Variants in SHISA9 observed in about 807,000 individuals in gnomAD.
SHISA9 encodes shisa family member 9, also known as protein shisa-9.
SHISA9 carries 13 observed loss-of-function variants against 38.0 expected under a neutral mutation model. That is an observed-to-expected ratio of 0.34 (90% CI 0.22 to 0.54). SHISA9 has a LOEUF of 0.54. Ranked by LOEUF, SHISA9 falls within the 20% of genes least tolerant of loss-of-function variation. SHISA9 has a pLI of 0.91. For missense variants in SHISA9, 538 were observed against 575.8 expected (o/e 0.93, Z 0.67); for synonymous variants, 275 against 242.0 (o/e 1.14, Z -1.27).
chr16:13,547,480 T>C, the SHISA9 span, among the ~76,000 whole-genome samples: 9 of 152,146 alleles, frequency 5.9e-5, no homozygotes, highest in Admixed American at 2.0e-4. Context: ...TGTAATTTAG[T>C]TCAAGTCCAA....
the SHISA9 span, among the ~76,000 whole-genome samples, chr16:13,502,980 A>G: frequency 2.6e-5 from 4 of 152,236 alleles, no homozygotes; most frequent in African/African-American, 9.6e-5. Flanking sequence ...CAGTGGTAGT[A>G]ATAAAACAAT....
the SHISA9 span, among the ~76,000 whole-genome samples, chr16:13,377,586 C>T: frequency 6.6e-6 from 1 of 152,168 alleles, no homozygotes; most frequent in African/African-American, 2.4e-5. Context: ...ATAAAATGTA[C>T]AAACACATAC....
the SHISA9 span, among the ~76,000 whole-genome samples, chr16:13,342,113 TA>T: frequency 3.0e-3 from 459 of 152,256 alleles, 3 homozygotes; most frequent in African/African-American, 0.011. Context: ...CCAAGATGCC[TA>T]AAACTCTTTT....
At chr16:13,361,285 G>A in the SHISA9 span, among the ~76,000 whole-genome samples, 1 of 152,256 alleles carries the variant, frequency 6.6e-6, no homozygotes, top group African/African-American at 2.4e-5. Context: ...GAATAAACCT[G>A]GTTCTCCATC....
chr16:13,521,148 C>T, the SHISA9 span, among the ~76,000 whole-genome samples: 2 of 152,182 alleles, frequency 1.3e-5, no homozygotes, highest in Non-Finnish European at 2.9e-5. Flanking sequence ...TCTGTACAAA[C>T]TGTTCCACAC....
the SHISA9 span, among the ~76,000 whole-genome samples, chr16:13,497,807 C>T: frequency 6.6e-6 from 1 of 151,688 alleles, no homozygotes; most frequent in African/African-American, 2.4e-5. Flanking sequence ...AAAAGATGCA[C>T]CAGTTACCAG....
chr16:13,550,073 A>G, the SHISA9 span, among the ~76,000 whole-genome samples: 1 of 151,880 alleles, frequency 6.6e-6, no homozygotes, highest in South Asian at 2.1e-4. Context: ...CTCAATGATG[A>G]GAAGGAGTGA....
intron 2 of SHISA9, among the ~76,000 whole-genome samples, chr16:13,072,212 G>T (rs948511059): frequency 1.3e-5 from 2 of 152,234 alleles, no homozygotes; most frequent in African/African-American, 4.8e-5. Flanking sequence ...GTTGAGAAGC[G>T]GTGGCTGGAA....
chr16:13,449,275 G>T, the SHISA9 span, among the ~76,000 whole-genome samples: 1 of 152,156 alleles, frequency 6.6e-6, no homozygotes, highest in African/African-American at 2.4e-5. Context: ...TCAAGGAATA[G>T]ACCAAAATGT....
At chr16:13,537,111 C>T in the SHISA9 span, among the ~76,000 whole-genome samples, 2 of 151,944 alleles carry the variant, frequency 1.3e-5, no homozygotes, top group East Asian at 1.9e-4. Context: ...AAATGTTTAA[C>T]ATAGTATAAT....
At chr16:12,985,314 C>G (rs1378744351) in intron 2 of SHISA9, among the ~76,000 whole-genome samples, 1 of 152,026 alleles carries the variant, frequency 6.6e-6, no homozygotes, top group Non-Finnish European at 1.5e-5. Flanking sequence ...GGAAAGAATA[C>G]TGGCTCTGCA....
At chr16:13,136,264 T>C (rs1049108447) in intron 2 of SHISA9, among the ~76,000 whole-genome samples, 2 of 152,110 alleles carry the variant, frequency 1.3e-5, no homozygotes, top group Admixed American at 6.6e-5. Context: ...TATAAGGTAG[T>C]CTGAGGATTA....
intron 2 of SHISA9, among the ~76,000 whole-genome samples, chr16:13,047,982 A>G (rs911081099): frequency 6.6e-6 from 1 of 152,164 alleles, no homozygotes; most frequent in African/African-American, 2.4e-5. Context: ...CCCTGTCCAG[A>G]AGACTCCAAG....
At chr16:13,201,066 T>A (rs2051001697) in intron 2 of SHISA9, among the ~76,000 whole-genome samples, 1 of 135,424 alleles carries the variant, frequency 7.4e-6, no homozygotes, top group Admixed American at 7.3e-5. Flanking sequence ...TAGGAAAGGT[T>A]AGGGAGCCAC....
At chr16:13,416,582 C>G in the SHISA9 span, among the ~76,000 whole-genome samples, 2 of 152,068 alleles carry the variant, frequency 1.3e-5, no homozygotes, top group African/African-American at 4.8e-5. Flanking sequence ...CACAATGGGG[C>G]CCACCTGTAG....
the SHISA9 span, among the ~76,000 whole-genome samples, chr16:13,555,940 T>C: frequency 2.6e-5 from 4 of 152,188 alleles, no homozygotes; most frequent in Admixed American, 2.0e-4. Context: ...CTCTATATGC[T>C]CAGTGGCAAA....
intron 2 of SHISA9, among the ~76,000 whole-genome samples, chr16:13,021,030 C>T (rs1485488922): frequency 1.3e-5 from 2 of 152,156 alleles, no homozygotes; most frequent in East Asian, 1.9e-4. Flanking sequence ...TTGGCTCTCT[C>T]GAATCTAGAA....
the SHISA9 span, among the ~76,000 whole-genome samples, chr16:13,291,123 G>C: frequency 6.6e-6 from 1 of 152,144 alleles, no homozygotes; most frequent in African/African-American, 2.4e-5. Flanking sequence ...ATTTCTGTAT[G>C]ACTTTTCATT....
chr16:13,006,130 A>G (rs1049614178), intron 2 of SHISA9, among the ~76,000 whole-genome samples: 2 of 152,208 alleles, frequency 1.3e-5, no homozygotes, highest in Non-Finnish European at 2.9e-5. Context: ...CTAACATATC[A>G]TCTGTGCAAA....
Sources: gnomAD v4.1 joint callset for allele counts (sites outside exome capture counted in the v4.1 genomes callset) on GRCh38, gnomAD v4.1.1 for gene constraint, MANE v1.5 for transcripts, NCBI Gene and HGNC (gene_info 2026-07-23, HGNC 2026-07-21) for gene names.